GLCCI1: variants seen among roughly 807,000 people sequenced by gnomAD.
GLCCI1 encodes the protein glucocorticoid induced 1.
In GLCCI1, 24 loss-of-function variants were observed where a neutral mutation model predicts 52.2. That is an observed-to-expected ratio of 0.46 (90% confidence interval 0.33 to 0.65). GLCCI1 has a LOEUF of 0.65. GLCCI1 is among the 30% of genes least tolerant of loss of function. The probability of loss-of-function intolerance (pLI) is 0.02; values close to 1 mark genes in which losing one functional copy is unlikely to be tolerated. For synonymous variants in GLCCI1, 310 were observed against 276.5 expected, an observed-to-expected ratio of 1.12 and a Z score of -1.20; for missense variants, 704 against 701.5, an observed-to-expected ratio of 1.00 and a Z score of -0.04.
chr7:7,969,338 C>A lies in GLCCI1; in HGVS notation c.-13C>A. 2 of 1,472,800 alleles carry A rather than the reference C, an allele frequency of 1.4e-6. No individual in the cohort carries two copies. Among genetic ancestry groups the A allele is most frequent in the Non-Finnish European group, 1.8e-6 (2 of 1,112,548 alleles). 91.2% of individuals were successfully genotyped at this position (1,472,800 alleles called of 1,614,324 possible). On this transcript the variant is annotated 5_prime_UTR_variant, in exon 1 of 8. Coordinates refer to ENST00000223145, the MANE Select transcript of GLCCI1 (RefSeq NM_138426.4). This position sits in a 1 kb window ranked among gnomAD's most constrained non-coding sequence, Gnocchi z 4.9. ...CGTGTCGGCCGGCGGCGTCCAGGGCCCGCAGAGCCACCATGTCCACTGCCT... is the reference window on the plus strand; with the variant it reads ...CGTGTCGGCCGGCGGCGTCCAGGGCACGCAGAGCCACCATGTCCACTGCCT...
chr7:8,038,857 T>C (rs185088264), intron 3 of GLCCI1, among the ~76,000 whole-genome samples: 59 of 152,274 alleles, frequency 3.9e-4, no homozygotes, highest in African/African-American at 1.4e-3. Flanking sequence ...TTGCAAACTA[T>C]ATATCTGACA....
intron 6 of GLCCI1, among the ~76,000 whole-genome samples, chr7:8,083,119 T>A (rs921100705): frequency 3.3e-5 from 5 of 152,186 alleles, no homozygotes; most frequent in African/African-American, 1.2e-4. Flanking sequence ...TGTATTTTTT[T>A]ATTTTTATTT....
chr7:8,028,878 A>G (rs981239015), intron 3 of GLCCI1, among the ~76,000 whole-genome samples: 5 of 152,180 alleles, frequency 3.3e-5, no homozygotes, highest in African/African-American at 9.6e-5. Flanking sequence ...TCTCAGATAC[A>G]TATAACCTAC....
intron 3 of GLCCI1, among the ~76,000 whole-genome samples, chr7:8,025,294 C>T (rs181908478): frequency 1.4e-4 from 22 of 152,040 alleles, no homozygotes; most frequent in South Asian, 4.2e-4. Flanking sequence ...GAGCCAAGAT[C>T]GCGCCACTGC....
chr7:7,977,952 A>C (rs1780529102), intron 1 of GLCCI1, among the ~76,000 whole-genome samples: 2 of 152,326 alleles, frequency 1.3e-5, no homozygotes, highest in South Asian at 4.1e-4. Context: ...TGGGGCAGGA[A>C]AGTATGCACA....
intron 3 of GLCCI1, among the ~76,000 whole-genome samples, chr7:8,028,946 G>A (rs1410890158): frequency 6.6e-6 from 1 of 152,092 alleles, no homozygotes; most frequent in Non-Finnish European, 1.5e-5. Flanking sequence ...AGTAGAGATT[G>A]AACCCATACT....
In GLCCI1 at chr7:8,086,406, G is replaced by C; in HGVS notation, c.1512G>C (p.Thr504=). 5 of 1,613,974 alleles carry C rather than the reference G, an allele frequency of 3.1e-6. No individual in the cohort carries two copies. The highest frequency in any genetic ancestry group is 4.2e-6 in the Non-Finnish European group (5 of 1,180,014). Residue 504 remains threonine (T), a synonymous_variant, in exon 8 of 8, where the codon ACG becomes ACC. Coordinates refer to ENST00000223145, the MANE Select transcript of GLCCI1 (RefSeq NM_138426.4). The surrounding 1 kb of genome is among the most constrained non-coding windows in gnomAD (Gnocchi z 4.4). ...AGCTCTCATCCCGGGTTTCCTTTAC[G>C]TCTCTTTCTGATGACACCAGCACAG... ...VEQLSSRVSF[T]SLSDDTSTAG...
At position 7,969,230 on chromosome 7, in the gene GLCCI1, T is replaced by G; in HGVS notation, c.-121T>G. The G allele has an allele frequency of 3.9e-6, 2 of 518,338 alleles. No homozygotes were observed. The highest frequency in any genetic ancestry group is 5.1e-6 in the Non-Finnish European group (2 of 388,612). The allele number at this position is 518,338 out of a possible 1,614,324, so 32.1% of individuals were successfully genotyped here. On this transcript the variant is annotated 5_prime_UTR_variant, in exon 1 of 8. Coordinates refer to ENST00000223145, the MANE Select transcript of GLCCI1 (RefSeq NM_138426.4). This position sits in a 1 kb window ranked among gnomAD's most constrained non-coding sequence, Gnocchi z 4.9. The stretch of plus-strand genomic sequence containing the variant: ...CCCCGAGACTCCTCCCCCACAGCGA[T>G]ACCCCCGCCCCTCCCCCTTACACAC...
intron 3 of GLCCI1, among the ~76,000 whole-genome samples, chr7:8,023,495 T>C (rs1382559160): frequency 1.3e-5 from 2 of 151,468 alleles, no homozygotes; most frequent in African/African-American, 4.8e-5. Flanking sequence ...TATTTCTTTT[T>C]ACAAATTACA....
At chr7:7,975,211 T>C (rs372072404) in intron 1 of GLCCI1, among the ~76,000 whole-genome samples, 2 of 152,348 alleles carry the variant, frequency 1.3e-5, no homozygotes, top group African/African-American at 4.8e-5. Flanking sequence ...TAGCAGTAAT[T>C]CTGAAAAATC....
intron 1 of GLCCI1, among the ~76,000 whole-genome samples, chr7:7,992,574 G>C (rs37997): frequency 0.49 from 73,877 of 151,822 alleles, 18,232 homozygotes; most frequent in Middle Eastern, 0.57. Context: ...ATTTTCCCCA[G>C]ATATAAGTAT....
chr7:8,028,799 A>G (rs1450109137), intron 3 of GLCCI1, among the ~76,000 whole-genome samples: 1 of 152,160 alleles, frequency 6.6e-6, no homozygotes, highest in East Asian at 1.9e-4. Context: ...GAAATTCAAA[A>G]GATCATTAGT....
intron 6 of GLCCI1, among the ~76,000 whole-genome samples, chr7:8,080,336 G>C (rs751818458): frequency 6.6e-6 from 1 of 151,484 alleles, no homozygotes; most frequent in Non-Finnish European, 1.5e-5. Context: ...AGTGTTGGTT[G>C]AACAGTGTAC....
At chr7:7,981,600 G>A (rs755889434) in intron 1 of GLCCI1, 1 of 209,116 alleles carries the variant, frequency 4.8e-6, no homozygotes, top group Non-Finnish European at 9.5e-6. Flanking sequence ...TGGGATTACA[G>A]ATGTATGCTT....
In GLCCI1 at chr7:8,020,389, G is replaced by C. The variant is rs948271125; in HGVS notation, c.610-2094G>C. Among the ~76,000 whole-genome samples the C allele has an allele frequency of 2.0e-5, 3 of 152,048 alleles. No individual in the cohort carries two copies. In the East Asian group the frequency reaches 5.8e-4, roughly 29 times the overall value. Reference sequence around the variant, plus strand: ...TACTACTAACTTGATTTCTTTTGTAGGTAATTCTTTTGTGTAAATAACACA... The same window carrying C: ...TACTACTAACTTGATTTCTTTTGTACGTAATTCTTTTGTGTAAATAACACA... On this transcript the variant is annotated intron_variant, in intron 2 of 7. Transcript: ENST00000223145.
intron 1 of GLCCI1, among the ~76,000 whole-genome samples, chr7:7,997,386 A>AAT (rs76597428): frequency 0.055 from 8,314 of 152,244 alleles, 344 homozygotes; most frequent in East Asian, 0.19. Flanking sequence ...GCTTAGCCTT[A>AAT]GTGAACCAAT....
chr7:8,032,695 C>G (rs561258774), intron 3 of GLCCI1, among the ~76,000 whole-genome samples: 19 of 151,826 alleles, frequency 1.3e-4, no homozygotes, highest in Non-Finnish European at 1.8e-4. Context: ...TATAAAGTGC[C>G]AAAGCTGACT....
chr7:8,073,447 T>C (rs1384588264), intron 6 of GLCCI1, among the ~76,000 whole-genome samples: 1 of 152,174 alleles, frequency 6.6e-6, no homozygotes, highest in Non-Finnish European at 1.5e-5. Context: ...CTGTGCCCTT[T>C]TGTTCCTACA....
chr7:7,978,679 C>G, intron 1 of GLCCI1, among the ~76,000 whole-genome samples: 1 of 152,122 alleles, frequency 6.6e-6, no homozygotes, highest in East Asian at 1.9e-4. Context: ...TAAAGTTTCT[C>G]ATAACATTTC....
Sources: allele counts gnomAD v4.1 joint callset (sites outside exome capture counted in the v4.1 genomes callset), GRCh38; gene constraint gnomAD v4.1.1; non-coding constraint Gnocchi (gnomAD v3.1); transcripts MANE v1.5; gene names NCBI Gene and HGNC (gene_info 2026-07-23, HGNC 2026-07-21).